Variants in FAF1 observed in about 807,000 individuals in gnomAD.
FAF1 encodes the protein Fas associated factor 1, also known as FAS-associated factor 1.
A neutral mutation model predicts 92.5 loss-of-function variants in FAF1; 25 were observed. The ratio of observed to expected loss-of-function variants is 0.27; its 90% CI spans 0.20 to 0.38. The LOEUF (loss-of-function observed/expected upper bound fraction) is 0.38. Among genes scored for constraint, FAF1 ranks in the 10% least tolerant of loss-of-function variants. The pLI, the probability that FAF1 is intolerant of heterozygous loss-of-function variation, is 1.00. For missense variants in FAF1, 636 were observed against 793.3 expected (o/e 0.80, Z 2.38); for synonymous variants, 234 against 273.2 (o/e 0.86, Z 1.42).
intron 1 of FAF1, among the ~76,000 whole-genome samples, chr1:50,884,871 AG>A (rs1352545108): frequency 5.9e-5 from 9 of 152,162 alleles, no homozygotes; most frequent in Non-Finnish European, 1.2e-4. Flanking sequence ...TGTATATAGT[AG>A]AATTTAGCAG....
chr1:50,664,123 G>A (rs1399240431), intron 7 of FAF1, among the ~76,000 whole-genome samples: 5 of 150,210 alleles, frequency 3.3e-5, no homozygotes, highest in African/African-American at 7.4e-5. Context: ...TCAGCCTCCC[G>A]AGAAGCTGGG....
chr1:50,683,752 G>A (rs1388915748), intron 7 of FAF1, among the ~76,000 whole-genome samples: 1 of 151,790 alleles, frequency 6.6e-6, no homozygotes, highest in Non-Finnish European at 1.5e-5. Flanking sequence ...GACCAACACG[G>A]AGAAACCCCG....
intron 9 of FAF1, among the ~76,000 whole-genome samples, chr1:50,591,222 T>C (rs189107333): frequency 5.3e-4 from 80 of 152,338 alleles, no homozygotes; most frequent in Admixed American, 2.7e-3. Context: ...CTGTATTACA[T>C]TGAGGATTCC....
chr1:50,930,081 C>T (rs1433834735), intron 1 of FAF1, among the ~76,000 whole-genome samples: 2 of 152,066 alleles, frequency 1.3e-5, no homozygotes, highest in African/African-American at 4.8e-5. Flanking sequence ...AGCAAATTAA[C>T]ATTTATTTAG....
intron 1 of FAF1, among the ~76,000 whole-genome samples, chr1:50,932,951 A>G (rs993516589): frequency 6.6e-6 from 1 of 152,234 alleles, no homozygotes; most frequent in African/African-American, 2.4e-5. Flanking sequence ...CTCTCAAGCC[A>G]TAGCCCAAGC....
At chr1:50,584,097 G>A (rs1031575079) in intron 10 of FAF1, among the ~76,000 whole-genome samples, 1 of 151,960 alleles carries the variant, frequency 6.6e-6, no homozygotes, top group Non-Finnish European at 1.5e-5. Flanking sequence ...TCATTAATTG[G>A]GAAAATAACC....
chr1:50,567,747 T>C (rs1270225406), intron 12 of FAF1, among the ~76,000 whole-genome samples: 6 of 152,098 alleles, frequency 3.9e-5, no homozygotes, highest in Non-Finnish European at 7.4e-5. Context: ...GTTCTATAGA[T>C]AATTTTAAAG....
intron 9 of FAF1, among the ~76,000 whole-genome samples, chr1:50,593,124 T>G (rs532103329): frequency 3.2e-4 from 49 of 152,124 alleles, no homozygotes; most frequent in African/African-American, 1.2e-3. Context: ...AGGGCAAAAC[T>G]CCTAATAATA....
intron 1 of FAF1, among the ~76,000 whole-genome samples, chr1:50,952,759 CA>C (rs1410740021): frequency 5.3e-5 from 8 of 151,992 alleles, no homozygotes; most frequent in Admixed American, 6.6e-5. Context: ...GCCCGACCGC[CA>C]CCCCGTCTGG....
intron 8 of FAF1, among the ~76,000 whole-genome samples, chr1:50,598,166 C>T (rs1368235472): frequency 2.0e-5 from 3 of 152,034 alleles, no homozygotes; most frequent in Non-Finnish European, 2.9e-5. Flanking sequence ...TATGGGGGTG[C>T]ACGCCTGTAG....
At chr1:50,931,888 A>AAATAATAATAATAAT (rs201964842) in intron 1 of FAF1, among the ~76,000 whole-genome samples, 10 of 129,502 alleles carry the variant, frequency 7.7e-5, no homozygotes, top group Admixed American at 1.6e-4. Flanking sequence ...ATAAATAAAT[A>AAATAATAATAATAAT]AATAATAATA....
At chr1:50,922,631 C>A (rs1278205307) in intron 1 of FAF1, among the ~76,000 whole-genome samples, 1 of 150,998 alleles carries the variant, frequency 6.6e-6, no homozygotes, top group Non-Finnish European at 1.5e-5. Flanking sequence ...CCAGCCTGAC[C>A]AACATGGTGA....
chr1:50,814,929 G>A (rs1424752945), intron 2 of FAF1, among the ~76,000 whole-genome samples: 1 of 152,138 alleles, frequency 6.6e-6, no homozygotes, highest in Admixed American at 6.5e-5. Flanking sequence ...CTGCTGATGG[G>A]AATGTAAAAT....
intron 15 of FAF1, among the ~76,000 whole-genome samples, chr1:50,529,165 T>C (rs1332966828): frequency 6.6e-6 from 1 of 152,226 alleles, no homozygotes; most frequent in African/African-American, 2.4e-5. Context: ...CACTAGTTTG[T>C]ACTGGTTTGC....
intron 8 of FAF1, among the ~76,000 whole-genome samples, chr1:50,615,949 T>G (rs1392645456): frequency 6.6e-6 from 1 of 152,176 alleles, no homozygotes. Context: ...TTGAGAAGGG[T>G]ATTTCCCACG....
At chr1:50,912,901 T>C (rs538023316) in intron 1 of FAF1, among the ~76,000 whole-genome samples, 19 of 152,338 alleles carry the variant, frequency 1.2e-4, no homozygotes, top group African/African-American at 4.3e-4. Flanking sequence ...AACTGAATTC[T>C]GATAAACTAT....
intron 1 of FAF1, among the ~76,000 whole-genome samples, chr1:50,915,499 A>G (rs965588894): frequency 1.3e-5 from 2 of 152,200 alleles, no homozygotes; most frequent in Non-Finnish European, 2.9e-5. Flanking sequence ...CGAGTAGAAG[A>G]TAAAACCTAA....
intron 8 of FAF1, among the ~76,000 whole-genome samples, chr1:50,633,612 A>G (rs946397360): frequency 2.0e-5 from 3 of 152,194 alleles, no homozygotes; most frequent in African/African-American, 7.2e-5. Context: ...CTCTGTCACT[A>G]CGGCAACCAG....
chr1:50,571,889 A>G (rs2149059445), intron 12 of FAF1, among the ~76,000 whole-genome samples: 1 of 152,348 alleles, frequency 6.6e-6, no homozygotes, highest in East Asian at 1.9e-4. Flanking sequence ...ACTAAAAAGA[A>G]AGGGTTGTAT....
Sources: allele counts gnomAD v4.1 joint callset (sites outside exome capture counted in the v4.1 genomes callset), GRCh38; gene constraint gnomAD v4.1.1; transcripts MANE v1.5; gene names NCBI Gene and HGNC (gene_info 2026-07-23, HGNC 2026-07-21).